GMDS: variants seen among roughly 807,000 people sequenced by gnomAD.
GMDS encodes GDP-mannose 4,6 dehydratase.
Under a neutral mutation model 49.9 loss-of-function variants are expected in GMDS, and 20 were observed. The observed-to-expected ratio is 0.40, with a 90% CI of 0.28 to 0.58. The LOEUF (loss-of-function observed/expected upper bound fraction) is 0.58. Among genes scored for constraint, GMDS ranks in the 20% least tolerant of loss-of-function variants. The pLI is 0.42. For missense variants in GMDS, 362 were observed against 481.4 expected, an observed-to-expected ratio of 0.75 and a Z score of 2.32; for synonymous variants, 177 against 178.6, an observed-to-expected ratio of 0.99 and a Z score of 0.07.
At chr6:1,752,394 C>T (rs1203659868) in intron 7 of GMDS, among the ~76,000 whole-genome samples, 4 of 152,176 alleles carry the variant, frequency 2.6e-5, no homozygotes, top group Non-Finnish European at 5.9e-5. Context: ...TGTGAAAAGA[C>T]CAAACCTACC....
At chr6:1,714,894 C>A (rs979161850) in intron 9 of GMDS, among the ~76,000 whole-genome samples, 1 of 152,230 alleles carries the variant, frequency 6.6e-6, no homozygotes, top group Non-Finnish European at 1.5e-5. Context: ...AGGGTGGAGC[C>A]GGGCTGCAGT....
chr6:1,666,256 G>A (rs1020161516), intron 9 of GMDS, among the ~76,000 whole-genome samples: 1 of 152,138 alleles, frequency 6.6e-6, no homozygotes, highest in Non-Finnish European at 1.5e-5. Context: ...CCTCTCCCCT[G>A]CACCACAGTA....
chr6:1,711,401 A>G lies in GMDS; in HGVS notation c.987+15015T>C, dbSNP rs114003141. Among the ~76,000 whole-genome samples the G allele has an allele frequency of 6.6e-3, 1,001 of 152,382 alleles. 14 individuals are homozygous for G. The highest frequency in any genetic ancestry group is 0.023 in the African/African-American group (960 of 41,590). On this transcript the variant is annotated intron_variant, in intron 9 of 10. Transcript: ENST00000380815. Reference sequence around the variant, plus strand: ...AGGCTTAAGAACCATGGACTAGGGTAGCCACCCTTGACAAAGGATGCCTGC... The same window carrying G: ...AGGCTTAAGAACCATGGACTAGGGTGGCCACCCTTGACAAAGGATGCCTGC...
intron 7 of GMDS, among the ~76,000 whole-genome samples, chr6:1,790,952 C>G (rs957583153): frequency 6.6e-6 from 1 of 152,074 alleles, no homozygotes; most frequent in Admixed American, 6.6e-5. Flanking sequence ...GGAGTGATCC[C>G]GGCTGTCTAG....
At chr6:1,842,439 G>T (rs1680004909) in intron 7 of GMDS, among the ~76,000 whole-genome samples, 1 of 152,230 alleles carries the variant, frequency 6.6e-6, no homozygotes, top group African/African-American at 2.4e-5. Context: ...GAGGAGGCCT[G>T]CTGAGGACTT....
chr6:2,223,470 A>AG (rs11424252), intron 1 of GMDS, among the ~76,000 whole-genome samples: 1 of 33,704 alleles, frequency 3.0e-5, no homozygotes, highest in Admixed American at 3.9e-4. Flanking sequence ...AAATGAATGG[A>AG]AAAAAAAAAG....
At chr6:1,869,581 C>G (rs1758617935) in intron 7 of GMDS, among the ~76,000 whole-genome samples, 1 of 152,176 alleles carries the variant, frequency 6.6e-6, no homozygotes, top group Non-Finnish European at 1.5e-5. Context: ...GAACCACAGC[C>G]TTCAGATATT....
At chr6:2,141,861 G>A (rs960721086) in intron 1 of GMDS, among the ~76,000 whole-genome samples, 14 of 101,048 alleles carry the variant, frequency 1.4e-4, no homozygotes, top group African/African-American at 6.0e-4. Flanking sequence ...TTTTGGTTGT[G>A]CGTGCTCTCT....
chr6:1,658,988 A>C (rs115625515), intron 9 of GMDS, among the ~76,000 whole-genome samples: 3,182 of 152,296 alleles, frequency 0.021, 41 homozygotes, highest in Non-Finnish European at 0.031. Context: ...TTTAATAGGA[A>C]AAAAAACCCA....
intron 7 of GMDS, among the ~76,000 whole-genome samples, chr6:1,762,334 A>G (rs1768192191): frequency 6.6e-6 from 1 of 152,228 alleles, no homozygotes; most frequent in Non-Finnish European, 1.5e-5. Context: ...TCAGAGAGGC[A>G]TGGGCTCCTG....
At chr6:1,825,625 T>C (rs146400240) in intron 7 of GMDS, among the ~76,000 whole-genome samples, 92 of 152,346 alleles carry the variant, frequency 6.0e-4, no homozygotes, top group South Asian at 1.5e-3. Flanking sequence ...CAAATCTGTA[T>C]ACTCATTTAA....
chr6:1,861,854 G>GA (rs1758204004), intron 7 of GMDS, among the ~76,000 whole-genome samples: 1 of 152,110 alleles, frequency 6.6e-6, no homozygotes, highest in Non-Finnish European at 1.5e-5. Flanking sequence ...CTTCACCTCT[G>GA]AAAAAGTGAG....
At chr6:1,849,021 T>A (rs1389214126) in intron 7 of GMDS, among the ~76,000 whole-genome samples, 2 of 152,112 alleles carry the variant, frequency 1.3e-5, no homozygotes, top group African/African-American at 4.8e-5. Flanking sequence ...CTGTTCCCCA[T>A]CCCTCAGTTA....
intron 4 of GMDS, among the ~76,000 whole-genome samples, chr6:2,033,938 T>C (rs1286546961): frequency 1.3e-5 from 2 of 152,190 alleles, no homozygotes; most frequent in East Asian, 1.9e-4. Context: ...TCCGGAGGCA[T>C]ATAAAAGAAC....
chr6:2,116,616 G>A (rs1053911647), intron 3 of GMDS, among the ~76,000 whole-genome samples: 2 of 152,168 alleles, frequency 1.3e-5, no homozygotes, highest in Admixed American at 1.3e-4. Flanking sequence ...GTGGACAACT[G>A]CATCATCTTC....
chr6:1,709,624 T>C (rs1765876723), intron 9 of GMDS, among the ~76,000 whole-genome samples: 1 of 152,148 alleles, frequency 6.6e-6, no homozygotes, highest in Non-Finnish European at 1.5e-5. Context: ...GAAGGAGAAG[T>C]GGACAAGTAA....
chr6:1,983,918 T>C (rs1419262244), intron 4 of GMDS, among the ~76,000 whole-genome samples: 1 of 152,170 alleles, frequency 6.6e-6, no homozygotes, highest in East Asian at 1.9e-4. Flanking sequence ...GATACATGCA[T>C]GCGTATGTTC....
At chr6:2,025,084 G>T (rs902537599) in intron 4 of GMDS, among the ~76,000 whole-genome samples, 2 of 151,938 alleles carry the variant, frequency 1.3e-5, no homozygotes, top group African/African-American at 4.8e-5. Context: ...GAGAGATTTT[G>T]ATACTTTGTA....
At chr6:2,047,195 T>G (rs973770095) in intron 4 of GMDS, among the ~76,000 whole-genome samples, 1 of 152,234 alleles carries the variant, frequency 6.6e-6, no homozygotes, top group Non-Finnish European at 1.5e-5. Flanking sequence ...TAGCTGACAC[T>G]TGATATAATC....
Sources: allele counts gnomAD v4.1 joint callset (sites outside exome capture counted in the v4.1 genomes callset), GRCh38; gene constraint gnomAD v4.1.1; transcripts MANE v1.5; gene names NCBI Gene and HGNC (gene_info 2026-07-23, HGNC 2026-07-21).